Variants in MAD1L1 observed in about 807,000 individuals in gnomAD.
The protein encoded by MAD1L1 is mitotic spindle assembly checkpoint protein MAD1.
MAD1L1 carries 95 observed loss-of-function variants against 96.9 expected under a neutral mutation model. That is an observed-to-expected ratio of 0.98 (90% confidence interval 0.83 to 1.16). The LOEUF is 1.16. Among genes scored for constraint, MAD1L1 ranks in the 50% most tolerant of loss-of-function variants. MAD1L1 has a pLI of 0.00. For missense variants in MAD1L1, 1,007 were observed against 954.4 expected (o/e 1.06, Z -0.73); for synonymous variants, 473 against 396.6 (o/e 1.19, Z -2.29).
chr7:2,132,324 G>C (rs1247697081), intron 11 of MAD1L1, among the ~76,000 whole-genome samples: 1 of 152,176 alleles, frequency 6.6e-6, no homozygotes, highest in Non-Finnish European at 1.5e-5. Context: ...GGGCTCACTT[G>C]TCATGTCTTA....
intron 16 of MAD1L1, among the ~76,000 whole-genome samples, chr7:1,946,727 A>C (rs1488332441): frequency 6.6e-6 from 1 of 152,206 alleles, no homozygotes; most frequent in African/African-American, 2.4e-5. Flanking sequence ...CTGTCTGTCC[A>C]AGCTCCCCTC....
intron 11 of MAD1L1, among the ~76,000 whole-genome samples, chr7:2,106,745 G>A (rs1414409797): frequency 2.0e-5 from 3 of 152,240 alleles, no homozygotes; most frequent in African/African-American, 7.2e-5. Flanking sequence ...AGAGAGGAAA[G>A]TCACCATTCA....
At position 2,014,593 on chromosome 7, in the gene MAD1L1, G is replaced by A. The variant is rs1782450458; in HGVS notation, c.1268C>T (p.Thr423Ile). The A allele has an allele frequency of 6.2e-7, 1 of 1,612,364 alleles. No homozygotes were observed. Among genetic ancestry groups the A allele is most frequent in the Admixed American group, 1.7e-5 (1 of 59,956 alleles). The part of the protein sequence containing the change: ...AILGSYDSEL[T>I]PAEYSPQLTR... ...CAGCTGGGGTGAGTACTCGGCCGGG[G>A]TCAGCTCGCTGTCGTAGGACCCCAG... Residue 423 changes from threonine to isoleucine, a missense_variant, in exon 13 of 19, where the codon ACC (threonine) becomes ATC (isoleucine). Thr to Ile is a moderately conservative substitution (Grantham distance 89). Coordinates refer to ENST00000265854, the MANE Select transcript of MAD1L1 (RefSeq NM_001013836.2).
intron 12 of MAD1L1, among the ~76,000 whole-genome samples, chr7:2,053,239 G>A (rs908981314): frequency 2.6e-5 from 4 of 152,190 alleles, no homozygotes; most frequent in African/African-American, 7.2e-5. Flanking sequence ...CCTGAAAACC[G>A]GTGAGTTTGG....
chr7:1,956,574 C>A (rs1343312707), intron 16 of MAD1L1, among the ~76,000 whole-genome samples: 1 of 152,232 alleles, frequency 6.6e-6, no homozygotes, highest in Non-Finnish European at 1.5e-5. Context: ...CAGGACATGC[C>A]TAGGGGCAGA....
chr7:1,956,580 G>C (rs1445160812), intron 16 of MAD1L1, among the ~76,000 whole-genome samples: 1 of 152,204 alleles, frequency 6.6e-6, no homozygotes, highest in Non-Finnish European at 1.5e-5. Context: ...ATGCCTAGGG[G>C]CAGAGCCCCC....
chr7:1,827,510 G>C (rs1270426356), intron 18 of MAD1L1, among the ~76,000 whole-genome samples: 5 of 141,048 alleles, frequency 3.5e-5, no homozygotes, highest in South Asian at 2.4e-4. Flanking sequence ...CCGGGTGTGG[G>C]GTCCTCCCCT....
intron 18 of MAD1L1, among the ~76,000 whole-genome samples, chr7:1,893,402 T>C (rs1786671204): frequency 6.6e-6 from 1 of 152,194 alleles, no homozygotes; most frequent in Non-Finnish European, 1.5e-5. Context: ...TTTCTAACTC[T>C]GTCTGCAGCC....
In MAD1L1 at chr7:2,008,251, G is replaced by C. The variant is rs182608730; in HGVS notation, c.1360-6130C>G. On this transcript the variant is annotated intron_variant, in intron 13 of 18. Coordinates refer to ENST00000265854, the MANE Select transcript of MAD1L1 (RefSeq NM_001013836.2). ...GGAGAGCAGCTCCCGCAGGGCCTCA[G>C]ACAGCGCAACTCCAGGCTGGTCTCG... 8.0e-3 allele frequency among the ~76,000 whole-genome samples: 1,214 copies of C among 152,348 alleles called. 12 individuals are homozygous for C. The highest frequency in any genetic ancestry group is 9.9e-3 in the Non-Finnish European group (672 of 68,040).
At chr7:1,978,079 G>C (rs139930338) in intron 15 of MAD1L1, among the ~76,000 whole-genome samples, 8 of 152,218 alleles carry the variant, frequency 5.3e-5, no homozygotes, top group Non-Finnish European at 1.2e-4. Flanking sequence ...CTCCCCCTGC[G>C]CCCGCGTGCC....
chr7:1,847,319 C>A (rs1440057093), intron 18 of MAD1L1: 1 of 471,110 alleles, frequency 2.1e-6, no homozygotes, highest in Admixed American at 2.3e-5. Context: ...TACAGAGCAG[C>A]AAACCAGGCA....
At chr7:1,952,966 A>G (rs1467792173) in intron 16 of MAD1L1, among the ~76,000 whole-genome samples, 1 of 152,108 alleles carries the variant, frequency 6.6e-6, no homozygotes, top group East Asian at 1.9e-4. Flanking sequence ...ACCCCAGCCC[A>G]CCACACCTGG....
At chr7:2,210,443 CGTGG>C (rs1562375159) in intron 10 of MAD1L1, among the ~76,000 whole-genome samples, 78 of 139,086 alleles carry the variant, frequency 5.6e-4, no homozygotes, top group African/African-American at 1.8e-3. Context: ...CCCGCATTCC[CGTGG>C]ACTCTCTAGG....
intron 10 of MAD1L1, among the ~76,000 whole-genome samples, chr7:2,159,609 A>T (rs1456290594): frequency 6.6e-6 from 1 of 152,156 alleles, no homozygotes; most frequent in African/African-American, 2.4e-5. Context: ...TGGCCCAATA[A>T]TACGTTTTCA....
chr7:1,913,562 C>T (rs1220273612), intron 17 of MAD1L1, among the ~76,000 whole-genome samples: 1 of 152,054 alleles, frequency 6.6e-6, no homozygotes, highest in African/African-American at 2.4e-5. Flanking sequence ...TGGGGGTTGG[C>T]GTGGGGTCAG....
chr7:2,075,370 G>A (rs551952227), intron 11 of MAD1L1, among the ~76,000 whole-genome samples: 4 of 152,336 alleles, frequency 2.6e-5, no homozygotes, highest in Middle Eastern at 3.4e-3. Flanking sequence ...GACCCAGCAC[G>A]CTGAGCCACA....
At chr7:1,926,568 A>T (rs1031725340) in intron 17 of MAD1L1, among the ~76,000 whole-genome samples, 2 of 152,234 alleles carry the variant, frequency 1.3e-5, no homozygotes, top group Non-Finnish European at 2.9e-5. Flanking sequence ...TCAACGTTGG[A>T]AACTTCCCAA....
intron 15 of MAD1L1, among the ~76,000 whole-genome samples, chr7:1,958,584 A>C (rs1779825616): frequency 6.6e-6 from 1 of 152,222 alleles, no homozygotes; most frequent in African/African-American, 2.4e-5. Flanking sequence ...TCTCTGAAAA[A>C]AGATCAAGAA....
chr7:1,993,488 C>T (rs1005808404), intron 14 of MAD1L1, among the ~76,000 whole-genome samples: 1 of 152,226 alleles, frequency 6.6e-6, no homozygotes, highest in Non-Finnish European at 1.5e-5. Context: ...GTATCAGACA[C>T]ACTCTGAGGC....
Sources: allele counts gnomAD v4.1 joint callset (sites outside exome capture counted in the v4.1 genomes callset), GRCh38; gene constraint gnomAD v4.1.1; transcripts MANE v1.5; gene names NCBI Gene and HGNC (gene_info 2026-07-23, HGNC 2026-07-21).